The following SCAF4 variants were observed in gnomAD, a reference collection of about 807,000 sequenced individuals.
SCAF4 encodes SR-related CTD associated factor 4.
SCAF4 carries 25 observed loss-of-function variants against 129.8 expected under a neutral mutation model. The observed-to-expected ratio is 0.19, with a 90% CI of 0.14 to 0.27. SCAF4 has a LOEUF of 0.27. SCAF4 is among the 10% of genes least tolerant of loss of function. The pLI is 1.00. For missense variants in SCAF4, 1,246 were observed against 1,457.1 expected, an observed-to-expected ratio of 0.86 and a Z score of 2.36; for synonymous variants, 551 against 497.7, an observed-to-expected ratio of 1.11 and a Z score of -1.43.
intron 7 of SCAF4, among the ~76,000 whole-genome samples, chr21:31,698,024 C>T (rs73353407): frequency 0.023 from 3,527 of 152,224 alleles, 127 homozygotes; most frequent in African/African-American, 0.08. Context: ...AACAACAGGA[C>T]AGTCTGTAAG....
intron 1 of SCAF4, 73 bp downstream of exon 1, chr21:31,731,590 C>T (rs912079256): frequency 6.5e-7 from 1 of 1,538,528 alleles, no homozygotes; most frequent in Non-Finnish European, 8.8e-7. Context: ...AGCTTTAAAC[C>T]TCCGGCGGCG....
At chr21:31,689,464 AT>A (rs11299714) in intron 15 of SCAF4, among the ~76,000 whole-genome samples, 17,935 of 132,530 alleles carry the variant, frequency 0.14, 2,502 homozygotes, top group East Asian at 0.38. Context: ...CATCCAGCTA[AT>A]TTTTTTTTTT....
chr21:31,731,705 G>T lies in SCAF4; in HGVS notation c.-13C>A. On this transcript the variant is annotated 5_prime_UTR_variant, in exon 1 of 20. Coordinates refer to ENST00000286835, the MANE Select transcript of SCAF4 (RefSeq NM_020706.2). ...TGACGGCGTCCATGTTCGCGCTGCG[G>T]CGGCGGCTGCTCCGGGCCCGCCGGT... The T allele has an allele frequency of 6.3e-7, 1 of 1,579,554 alleles. No individual in the cohort carries two copies. The highest frequency in any genetic ancestry group is 8.6e-7 in the Non-Finnish European group (1 of 1,169,240).
Position 31,701,181 on chromosome 21 carries a change from T to C in SCAF4, c.601-10A>G. On this transcript the variant is annotated splice_polypyrimidine_tract_variant and intron_variant, in intron 6 of 19. Coordinates refer to ENST00000286835, the MANE Select transcript of SCAF4 (RefSeq NM_020706.2). Reference sequence around the variant, plus strand: ...GAAGGATCTGCTGAAGCTTAAAGAATGGGAAAACCAATAAATCACAGAACA... The same window carrying C: ...GAAGGATCTGCTGAAGCTTAAAGAACGGGAAAACCAATAAATCACAGAACA... The C allele has an allele frequency of 1.9e-6, 3 of 1,540,968 alleles. No homozygotes were observed. Among genetic ancestry groups the C allele is most frequent in the East Asian group, 2.3e-5 (1 of 44,012 alleles).
intron 7 of SCAF4, among the ~76,000 whole-genome samples, chr21:31,698,625 T>A (rs1474762631): frequency 3.3e-5 from 5 of 152,162 alleles, no homozygotes. Flanking sequence ...AAAGTAACAA[T>A]AAATCAGTAG....
intron 19 of SCAF4, among the ~76,000 whole-genome samples, chr21:31,676,321 G>T (rs572470411): frequency 2.4e-4 from 37 of 152,016 alleles, no homozygotes; most frequent in Non-Finnish European, 4.6e-4. Context: ...CTCTTTCCAG[G>T]TTATTCTCTC....
In SCAF4 at chr21:31,696,273, C is replaced by A. The variant is rs956434547; in HGVS notation, c.960-52G>T. 2.9e-6 allele frequency: 4 copies of A among 1,386,898 alleles called. No individual in the cohort carries two copies. The African/African-American group carries it at 5.7e-5, about 20-fold the overall frequency. The allele number at this position is 1,386,898 out of a possible 1,614,324, so 85.9% of individuals were successfully genotyped here. On this transcript the variant is annotated intron_variant, in intron 8 of 19. Transcript: ENST00000286835. ...CCATTCAAAAGCACAAGCTTCTCAG[C>A]CACACTTAAATTACAGAAACAGAGT...
chr21:31,711,037 TGAGTTC>T (rs1398368095), intron 1 of SCAF4, among the ~76,000 whole-genome samples: 1 of 152,182 alleles, frequency 6.6e-6, no homozygotes, highest in African/African-American at 2.4e-5. Flanking sequence ...TTTAAACTCC[TGAGTTC>T]AAGTGATCCT....
chr21:31,691,300 G>A (rs759916315), intron 14 of SCAF4, among the ~76,000 whole-genome samples: 29 of 152,196 alleles, frequency 1.9e-4, no homozygotes, highest in Non-Finnish European at 3.2e-4. Flanking sequence ...AAGTCTAGGG[G>A]TGCCTTGTAA....
At chr21:31,725,312 T>C (rs1160086953) in intron 1 of SCAF4, among the ~76,000 whole-genome samples, 1 of 152,072 alleles carries the variant, frequency 6.6e-6, no homozygotes, top group Non-Finnish European at 1.5e-5. Context: ...ATGAACTAAA[T>C]TCTAGAAGAC....
chr21:31,700,896 C>A (rs779091989), intron 7 of SCAF4, 99 bp downstream of exon 7: 16 of 1,260,980 alleles, frequency 1.3e-5, no homozygotes, highest in Admixed American at 5.3e-5. Flanking sequence ...TACAAAACGA[C>A]ATAATGAACA....
intron 1 of SCAF4, among the ~76,000 whole-genome samples, chr21:31,711,374 A>G (rs563899493): frequency 6.6e-6 from 1 of 152,338 alleles, no homozygotes; most frequent in African/African-American, 2.4e-5. Flanking sequence ...CAATGCCTTC[A>G]CTGAACAGAT....
intron 7 of SCAF4, among the ~76,000 whole-genome samples, chr21:31,700,274 TA>T (rs2050493075): frequency 6.6e-6 from 1 of 151,038 alleles, no homozygotes; most frequent in African/African-American, 2.4e-5. Context: ...ACATATATAT[TA>T]AAAATAAATA....
At chr21:31,724,694 T>C (rs1400727852) in intron 1 of SCAF4, among the ~76,000 whole-genome samples, 1 of 152,170 alleles carries the variant, frequency 6.6e-6, no homozygotes, top group African/African-American at 2.4e-5. Context: ...CAACCTACAA[T>C]TTTTACAGTG....
intron 19 of SCAF4, among the ~76,000 whole-genome samples, chr21:31,673,986 C>T (rs1231167754): frequency 6.6e-6 from 1 of 152,102 alleles, no homozygotes; most frequent in Non-Finnish European, 1.5e-5. Flanking sequence ...ACCAGAAAAA[C>T]GGGGGAAACA....
chr21:31,672,644 C>A (rs1234779400), intron 19 of SCAF4, among the ~76,000 whole-genome samples: 1 of 152,218 alleles, frequency 6.6e-6, no homozygotes, highest in East Asian at 1.9e-4. Context: ...CTGTAGCTTT[C>A]ATTAGAAGCT....
intron 1 of SCAF4, 158 bp from the exon 2 acceptor site, chr21:31,706,515 G>T: frequency 1.7e-6 from 1 of 603,438 alleles, no homozygotes; most frequent in Non-Finnish European, 3.0e-6. Context: ...AGCTTTGGTG[G>T]CCAGGCACCC....
At chr21:31,723,390 T>C (rs908608070) in intron 1 of SCAF4, among the ~76,000 whole-genome samples, 1 of 151,720 alleles carries the variant, frequency 6.6e-6, no homozygotes, top group Non-Finnish European at 1.5e-5. Context: ...GAAACGGAGG[T>C]TGCTATGTGC....
At chr21:31,713,465 GATATTAAT>G (rs1470147008) in intron 1 of SCAF4, among the ~76,000 whole-genome samples, 1 of 152,090 alleles carries the variant, frequency 6.6e-6, no homozygotes, top group African/African-American at 2.4e-5. Flanking sequence ...ATACACAATA[GATATTAAT>G]GAGTACTACA....
Sources: allele counts gnomAD v4.1 joint callset (sites outside exome capture counted in the v4.1 genomes callset), GRCh38; gene constraint gnomAD v4.1.1; transcripts MANE v1.5; gene names NCBI Gene and HGNC (gene_info 2026-07-23, HGNC 2026-07-21).